Variants in DPP10 observed in about 807,000 individuals in gnomAD.
The protein encoded by DPP10 is dipeptidyl peptidase like 10, also known as inactive dipeptidyl peptidase 10.
A neutral mutation model predicts 120.9 loss-of-function variants in DPP10; 33 were observed. The ratio of observed to expected loss-of-function variants is 0.27; its 90% CI spans 0.21 to 0.37. The LOEUF is 0.37. DPP10 is among the 10% of genes least tolerant of loss of function. The pLI, the probability that DPP10 is intolerant of heterozygous loss-of-function variation, is 1.00. For missense variants in DPP10, 816 were observed against 942.8 expected (o/e 0.87, Z 1.76); for synonymous variants, 337 against 326.1 (o/e 1.03, Z -0.36).
intron 1 of DPP10, among the ~76,000 whole-genome samples, chr2:115,273,835 T>C (rs2059801826): frequency 6.6e-6 from 1 of 152,248 alleles, no homozygotes; most frequent in Non-Finnish European, 1.5e-5. Context: ...GCCAATTTAG[T>C]GTTTCCCTAA....
intron 1 of DPP10, among the ~76,000 whole-genome samples, chr2:115,307,022 T>C (rs879461514): frequency 6.6e-6 from 1 of 152,140 alleles, no homozygotes; most frequent in Non-Finnish European, 1.5e-5. Flanking sequence ...GTGATCTTTA[T>C]AATCAGATTT....
chr2:115,031,847 G>A (rs1703863232), intron 1 of DPP10, among the ~76,000 whole-genome samples: 2 of 151,978 alleles, frequency 1.3e-5, no homozygotes, highest in South Asian at 4.1e-4. Context: ...CTTTTGTATA[G>A]ACTGCATAAG....
intron 1 of DPP10, among the ~76,000 whole-genome samples, chr2:114,864,058 T>G (rs1446783200): frequency 6.6e-6 from 1 of 152,202 alleles, no homozygotes; most frequent in Non-Finnish European, 1.5e-5. Flanking sequence ...GAAAATAACA[T>G]TTTTGAAGAA....
intron 3 of DPP10, among the ~76,000 whole-genome samples, chr2:115,458,025 CATT>C (rs2073716295): frequency 1.3e-5 from 2 of 151,968 alleles, no homozygotes; most frequent in African/African-American, 4.8e-5. Flanking sequence ...GTCCTGAAAA[CATT>C]ATGCTGATTA....
intron 1 of DPP10, among the ~76,000 whole-genome samples, chr2:114,559,615 A>G (rs1688594452): frequency 1.3e-5 from 2 of 152,260 alleles, no homozygotes; most frequent in South Asian, 4.1e-4. Context: ...CTCTCTCGCC[A>G]TCCCTGTTCC....
intron 7 of DPP10, among the ~76,000 whole-genome samples, chr2:115,691,362 C>A (rs1050967978): frequency 4.6e-5 from 7 of 152,074 alleles, no homozygotes; most frequent in Admixed American, 2.0e-4. Flanking sequence ...TGTATAGGTT[C>A]TTGATCCATC....
At chr2:115,661,363 A>G (rs915350608) in intron 5 of DPP10, among the ~76,000 whole-genome samples, 1 of 152,248 alleles carries the variant, frequency 6.6e-6, no homozygotes, top group Non-Finnish European at 1.5e-5. Context: ...TCAACTAGTT[A>G]GGATACAGGC....
chr2:114,638,751 A>G (rs1695485091), intron 1 of DPP10, among the ~76,000 whole-genome samples: 1 of 151,912 alleles, frequency 6.6e-6, no homozygotes, highest in Non-Finnish European at 1.5e-5. Flanking sequence ...AACTTAAAAC[A>G]GAAGTACGGT....
At chr2:115,164,921 C>T (rs910346952) in intron 1 of DPP10, among the ~76,000 whole-genome samples, 2 of 151,950 alleles carry the variant, frequency 1.3e-5, no homozygotes, top group Non-Finnish European at 2.9e-5. Flanking sequence ...ATATTTTTAT[C>T]ATCTTAGTAA....
At chr2:114,672,233 A>C (rs10198185) in intron 1 of DPP10, among the ~76,000 whole-genome samples, 31,101 of 151,566 alleles carry the variant, frequency 0.21, 5,060 homozygotes, top group African/African-American at 0.46. Flanking sequence ...AGTTTAATAC[A>C]GTCTAAGATT....
chr2:115,117,837 C>T (rs1227029534), intron 1 of DPP10, among the ~76,000 whole-genome samples: 4 of 152,122 alleles, frequency 2.6e-5, no homozygotes, highest in East Asian at 1.9e-4. Flanking sequence ...CTTGGATGCC[C>T]TCTCTTCCTT....
At chr2:115,793,688 G>T (rs186413117) in intron 19 of DPP10, among the ~76,000 whole-genome samples, 1 of 151,722 alleles carries the variant, frequency 6.6e-6, no homozygotes, top group Non-Finnish European at 1.5e-5. Flanking sequence ...GGTTGATACA[G>T]GAAGAATGAA....
At chr2:114,954,727 A>T (rs1236189807) in intron 1 of DPP10, among the ~76,000 whole-genome samples, 3 of 152,086 alleles carry the variant, frequency 2.0e-5, no homozygotes, top group Non-Finnish European at 2.9e-5. Context: ...CTAAGAAAAA[A>T]ATATAGAGAG....
intron 1 of DPP10, among the ~76,000 whole-genome samples, chr2:114,938,423 G>A (rs1574524675): frequency 1.3e-5 from 2 of 152,150 alleles, no homozygotes; most frequent in East Asian, 3.9e-4. Flanking sequence ...TATTGAAGAA[G>A]ATAAATATAA....
intron 1 of DPP10, among the ~76,000 whole-genome samples, chr2:115,171,220 G>A (rs2053298669): frequency 1.3e-5 from 2 of 151,936 alleles, no homozygotes; most frequent in Non-Finnish European, 2.9e-5. Context: ...AATTAGCCAG[G>A]TGTGGTGCCA....
chr2:114,542,945 G>A (rs373339088), intron 1 of DPP10, among the ~76,000 whole-genome samples: 7 of 152,076 alleles, frequency 4.6e-5, no homozygotes, highest in African/African-American at 1.7e-4. Flanking sequence ...CCTTGGATTG[G>A]CAAAGTCCTG....
chr2:115,639,704 A>C (rs1218229577), intron 5 of DPP10, among the ~76,000 whole-genome samples: 2 of 152,140 alleles, frequency 1.3e-5, no homozygotes, highest in East Asian at 1.9e-4. Context: ...TTGTTAAAAC[A>C]TGTAGATTTC....
At chr2:115,327,517 T>C (rs114318826) in intron 2 of DPP10, among the ~76,000 whole-genome samples, 1,705 of 152,118 alleles carry the variant, frequency 0.011, 27 homozygotes, top group African/African-American at 0.04. Flanking sequence ...ATACAGCCAA[T>C]TGTGGATTTT....
chr2:114,884,114 A>G (rs1257597043), intron 1 of DPP10, among the ~76,000 whole-genome samples: 1 of 152,202 alleles, frequency 6.6e-6, no homozygotes, highest in Non-Finnish European at 1.5e-5. Context: ...TAATGTATTA[A>G]AGATACCTTA....
Sources: gnomAD v4.1 joint callset for allele counts (sites outside exome capture counted in the v4.1 genomes callset) on GRCh38, gnomAD v4.1.1 for gene constraint, MANE v1.5 for transcripts, NCBI Gene and HGNC (gene_info 2026-07-23, HGNC 2026-07-21) for gene names.